The following ELMO2 variants were observed in gnomAD, a reference collection of about 807,000 sequenced individuals.
The protein encoded by ELMO2 is engulfment and cell motility 2, also known as engulfment and cell motility protein 2.
A neutral mutation model predicts 96.2 loss-of-function variants in ELMO2; 37 were observed. The ratio of observed to expected loss-of-function variants is 0.38; its 90% CI spans 0.30 to 0.51. The LOEUF (loss-of-function observed/expected upper bound fraction) is 0.51. ELMO2 is among the 20% of genes least tolerant of loss of function. The pLI is 0.88. For missense variants in ELMO2, 561 were observed against 912.6 expected (o/e 0.61, Z 4.96); for synonymous variants, 315 against 329.4 (o/e 0.96, Z 0.47).
At chr20:46,393,020 G>A (rs2060178438) in intron 6 of ELMO2, 73 bp downstream of exon 6, 1 of 1,309,672 alleles carries the variant, frequency 7.6e-7, no homozygotes, top group African/African-American at 1.5e-5. Context: ...TTCTAGAACA[G>A]AGTCTGGCCC....
intron 6 of ELMO2, among the ~76,000 whole-genome samples, chr20:46,391,404 T>C (rs1029706980): frequency 5.3e-5 from 8 of 152,206 alleles, no homozygotes; most frequent in African/African-American, 1.9e-4. Context: ...GATTAGATGA[T>C]TTAATTACAC....
intron 8 of ELMO2, among the ~76,000 whole-genome samples, chr20:46,386,487 T>C (rs1304797655): frequency 6.6e-6 from 1 of 152,200 alleles, no homozygotes; most frequent in Non-Finnish European, 1.5e-5. Context: ...AGTATCCACT[T>C]AATTGTGTTT....
intron 6 of ELMO2, among the ~76,000 whole-genome samples, chr20:46,389,873 G>A (rs2060121090): frequency 6.6e-6 from 1 of 151,588 alleles, no homozygotes; most frequent in South Asian, 2.1e-4. Flanking sequence ...AAATAAAATT[G>A]GTCAGGTACA....
intron 2 of ELMO2, among the ~76,000 whole-genome samples, chr20:46,396,158 C>T (rs1271776184): frequency 4.6e-5 from 7 of 152,210 alleles, no homozygotes; most frequent in African/African-American, 1.7e-4. Context: ...AGACACACGA[C>T]AAACCTCAGA....
In ELMO2 at chr20:46,382,327, A is replaced by C. The variant is rs1233567364; in HGVS notation, c.756+1089T>G. ...CAAACAAGGACCGGGAAGGCAGATT[A>C]ACAGAGCCAAGCCATCCAAGAAAGA... On this transcript the variant is annotated intron_variant, in intron 10 of 21. Coordinates refer to ENST00000290246, the MANE Select transcript of ELMO2 (RefSeq NM_133171.5). 2.5e-6 allele frequency: 3 copies of C among 1,223,980 alleles called. No individual in the cohort carries two copies. The East Asian group carries it at 1.7e-4, about 69-fold the overall frequency. The allele number at this position is 1,223,980 out of a possible 1,614,324, so 75.8% of individuals were successfully genotyped here.
intron 6 of ELMO2, among the ~76,000 whole-genome samples, chr20:46,389,702 A>G (rs2145829487): frequency 6.6e-6 from 1 of 152,242 alleles, no homozygotes; most frequent in South Asian, 2.1e-4. Context: ...TTTTAAAATG[A>G]GCCAGGTGTG....
At chr20:46,391,382 G>T (rs1270122144) in intron 6 of ELMO2, among the ~76,000 whole-genome samples, 1 of 152,146 alleles carries the variant, frequency 6.6e-6, no homozygotes, top group East Asian at 1.9e-4. Flanking sequence ...TATCTCATGG[G>T]ATGTCTGTAA....
chr20:46,378,084 A>C (rs2059896270), intron 11 of ELMO2, among the ~76,000 whole-genome samples: 1 of 152,168 alleles, frequency 6.6e-6, no homozygotes, highest in Non-Finnish European at 1.5e-5. Flanking sequence ...TCTGATTTTC[A>C]TTCTCTTTAA....
rs753399070 is a variant in ELMO2 at position 46,386,203 on chromosome 20, T to C, written c.598A>G (p.Met200Val). The C allele has an allele frequency of 2.4e-5, 39 of 1,614,056 alleles. No individual in the cohort carries two copies. Among genetic ancestry groups the C allele is most frequent in the South Asian group, 1.3e-4 (12 of 91,084 alleles). ...TACAGACTCTGGCTGTTCAAGACCATGCTCTCCAGGATGGCCAGGGACCTC... is the reference window on the plus strand; with the variant it reads ...TACAGACTCTGGCTGTTCAAGACCACGCTCTCCAGGATGGCCAGGGACCTC... ...LQRSLAILES[M>V]VLNSQSLYQK... is the part of the protein sequence containing the mutation. Residue 200 changes from methionine to valine, a missense_variant, in exon 9 of 22, where the codon ATG (methionine) becomes GTG (valine). Transcript: ENST00000290246.
intron 16 of ELMO2, 118 bp downstream of exon 16, chr20:46,373,281 G>A: frequency 7.0e-7 from 1 of 1,425,426 alleles, no homozygotes; most frequent in South Asian, 1.3e-5. Context: ...TTGTGACTCA[G>A]TTCTGCAGAC....
intron 10 of ELMO2, 60 bp downstream of exon 10, chr20:46,383,356 A>C: frequency 6.7e-7 from 1 of 1,490,494 alleles, no homozygotes; most frequent in East Asian, 2.3e-5. Context: ...CAAAGAGTGC[A>C]TGGGGTGAGA....
intron 7 of ELMO2, among the ~76,000 whole-genome samples, chr20:46,388,750 C>A (rs117941979): frequency 6.6e-6 from 1 of 152,164 alleles, no homozygotes; most frequent in Non-Finnish European, 1.5e-5. Flanking sequence ...TCTGTCACGA[C>A]GTGACTGCTC....
In ELMO2 at chr20:46,374,401, A is replaced by G; in HGVS notation, c.1210T>C (p.Cys404Arg). The G allele has an allele frequency of 6.2e-7, 1 of 1,614,162 alleles. No homozygotes were observed. Among genetic ancestry groups the G allele is most frequent in the Non-Finnish European group, 8.5e-7 (1 of 1,180,018 alleles). ...ENSSREDKHE[C>R]PFGRSAIELT... ...TCAATGGCACTGCGGCCAAAGGGGCATTCATGTTTGTCTTCCCGGCTACTG... is the reference window on the plus strand; with the variant it reads ...TCAATGGCACTGCGGCCAAAGGGGCGTTCATGTTTGTCTTCCCGGCTACTG... Residue 404 changes from cysteine to arginine, a missense_variant, in exon 15 of 22, where the codon TGC becomes CGC. Coordinates refer to ENST00000290246, the MANE Select transcript of ELMO2 (RefSeq NM_133171.5).
intron 2 of ELMO2, 33 bp from the exon 3 acceptor site, chr20:46,394,565 A>C: frequency 6.8e-7 from 1 of 1,474,218 alleles, no homozygotes; most frequent in Non-Finnish European, 9.5e-7. Context: ...GTGGAAAAAG[A>C]GTATTTCTTC....
At position 46,371,728 on chromosome 20, in the gene ELMO2, T is replaced by A; in HGVS notation, c.1581-37A>T. 6.2e-7 allele frequency: 1 copy of A among 1,613,654 alleles called. No individual in the cohort carries two copies. ...ACACACTGGAGTGAGCGGAAGGTCA[T>A]GGGGACAGTGGAGCTCTGGAAGGAA... On this transcript the variant is annotated intron_variant, in intron 17 of 21. Coordinates refer to ENST00000290246, the MANE Select transcript of ELMO2 (RefSeq NM_133171.5). The surrounding 1 kb of genome is among the most constrained non-coding windows in gnomAD (Gnocchi z 5.9).
chr20:46,397,149 C>T (rs568786155), intron 2 of ELMO2, among the ~76,000 whole-genome samples: 2 of 152,272 alleles, frequency 1.3e-5, no homozygotes, highest in Admixed American at 6.5e-5. Context: ...GAATGATTCT[C>T]GGCTGTTCAA....
chr20:46,403,322 T>C (rs1656555520), intron 1 of ELMO2, among the ~76,000 whole-genome samples: 1 of 152,206 alleles, frequency 6.6e-6, no homozygotes, highest in Non-Finnish European at 1.5e-5. Flanking sequence ...TTATGATCAG[T>C]TCCAAAGCAG....
Position 46,375,499 on chromosome 20 carries a change from C to G in ELMO2, c.931-129G>C. ...AATCCCTTAGGAGGCATCACCTCTACCACAGCAGGACAGAAATGGGCTTGG... is the reference window on the plus strand; with the variant it reads ...AATCCCTTAGGAGGCATCACCTCTAGCACAGCAGGACAGAAATGGGCTTGG... On this transcript the variant is annotated intron_variant, in intron 12 of 21. Transcript: ENST00000290246. The surrounding 1 kb of genome is among the most constrained non-coding windows in gnomAD (Gnocchi z 4.6). The G allele has an allele frequency of 4.0e-6, 6 of 1,483,322 alleles. No individual in the cohort carries two copies. Among genetic ancestry groups the G allele is most frequent in the Non-Finnish European group, 5.5e-6 (6 of 1,095,972 alleles). The allele number at this position is 1,483,322 out of a possible 1,614,324, so 91.9% of individuals were successfully genotyped here. A position where few individuals can be genotyped will look rare whatever the true frequency, so the allele number is the denominator to read the frequency against.
rs183730142 is a variant in ELMO2, at chr20:46,400,051, T to C, written c.-125-1280A>G. On this transcript the variant is annotated intron_variant, in intron 1 of 21. Coordinates refer to ENST00000290246, the MANE Select transcript of ELMO2 (RefSeq NM_133171.5). ...TACTCAGGAGGCTGAGGCAGGAGAG[T>C]TGCTTGAGCCCAGGAGTTCGAGGCT... Among the ~76,000 whole-genome samples, 659 of 152,048 alleles carry C rather than the reference T, an allele frequency of 4.3e-3. 1 individual carries two copies. Among genetic ancestry groups the C allele is most frequent in the Non-Finnish European group, 6.8e-3 (460 of 67,980 alleles).
Sources: allele counts gnomAD v4.1 joint callset (sites outside exome capture counted in the v4.1 genomes callset), GRCh38; gene constraint gnomAD v4.1.1; non-coding constraint Gnocchi (gnomAD v3.1); transcripts MANE v1.5; gene names NCBI Gene and HGNC (gene_info 2026-07-23, HGNC 2026-07-21).